ADAMTSL3: variants seen among roughly 807,000 people sequenced by gnomAD.
ADAMTSL3 encodes the protein ADAMTS-like protein 3.
A neutral mutation model predicts 201.7 loss-of-function variants in ADAMTSL3; 128 were observed. The observed-to-expected ratio is 0.63, with a 90% CI of 0.55 to 0.73. The LOEUF is 0.73. ADAMTSL3 is among the 30% of genes least tolerant of loss of function. The probability of loss-of-function intolerance (pLI) is 0.00; values close to 1 mark genes in which losing one functional copy is unlikely to be tolerated. For missense variants in ADAMTSL3, 1,990 were observed against 2,119.6 expected (o/e 0.94, Z 1.20); for synonymous variants, 738 against 748.4 (o/e 0.99, Z 0.23).
chr15:83,889,963 A>T (rs2065471466), intron 10 of ADAMTSL3, 146 bp from the exon 11 acceptor site: 3 of 756,874 alleles, frequency 4.0e-6, no homozygotes, highest in Non-Finnish European at 6.2e-6. Flanking sequence ...AAAAGCTCCC[A>T]TGTGGTTCTG....
At chr15:83,871,820 G>A (rs781697675) in intron 9 of ADAMTSL3, among the ~76,000 whole-genome samples, 3 of 152,112 alleles carry the variant, frequency 2.0e-5, no homozygotes, top group Non-Finnish European at 2.9e-5. Flanking sequence ...TGGTTTTGCC[G>A]TATCCTGTTT....
intron 3 of ADAMTSL3, among the ~76,000 whole-genome samples, chr15:83,755,006 A>G (rs2062696734): frequency 6.6e-6 from 1 of 152,194 alleles, no homozygotes; most frequent in Non-Finnish European, 1.5e-5. Flanking sequence ...AATATCGTAT[A>G]TGTTCCACAC....
intron 2 of ADAMTSL3, among the ~76,000 whole-genome samples, chr15:83,680,203 C>T (rs2061458619): frequency 6.6e-6 from 1 of 152,072 alleles, no homozygotes; most frequent in South Asian, 2.1e-4. Context: ...GCATTGTTCT[C>T]TAGCACACAG....
intron 5 of ADAMTSL3, among the ~76,000 whole-genome samples, chr15:83,816,009 G>C (rs1438697464): frequency 6.6e-6 from 1 of 152,198 alleles, no homozygotes; most frequent in African/African-American, 2.4e-5. Flanking sequence ...ATTAGCTCAG[G>C]ACAAAGGGGA....
In ADAMTSL3 at chr15:83,858,748, C is replaced by T. The variant is rs370791528; in HGVS notation, c.728-18C>T. ...TAGTGTACTGGTTTTATTGCAGTTG[C>T]GTTCTGTTCTTTCCCAGGAGAAGAA... is the stretch of plus-strand genomic sequence containing the variant. On this transcript the variant is annotated intron_variant, in intron 7 of 29. Transcript: ENST00000286744. 2.0e-5 allele frequency: 32 copies of T among 1,603,524 alleles called. No homozygotes were observed. In the African/African-American group the frequency reaches 2.3e-4, roughly 11 times the overall value.
rs149536949 is a variant in ADAMTSL3, at chr15:83,973,250, A to C, written c.2644+2613A>C. ...AGCTTCTTGTTCTGCCTTACCCTCA[A>C]CTCACTCCTGCTTATTTAGTTAGTG... On this transcript the variant is annotated intron_variant, in intron 20 of 29. Coordinates refer to ENST00000286744, the MANE Select transcript of ADAMTSL3 (RefSeq NM_207517.3). Among the ~76,000 whole-genome samples the C allele has an allele frequency of 1.8e-4, 28 of 151,528 alleles. 1 individual carries two copies. The East Asian group carries it at 3.5e-3, about 19-fold the overall frequency.
chr15:83,823,413 C>T (rs2063930178), intron 6 of ADAMTSL3, among the ~76,000 whole-genome samples: 1 of 152,126 alleles, frequency 6.6e-6, no homozygotes. Flanking sequence ...CTTCATCCTG[C>T]TTTTCAAACT....
chr15:83,890,469 G>GT (rs1041132879), intron 11 of ADAMTSL3, among the ~76,000 whole-genome samples: 27 of 152,164 alleles, frequency 1.8e-4, no homozygotes, highest in Non-Finnish European at 3.2e-4. Context: ...GTGTTCCTAA[G>GT]TTTTTTTATA....
intron 3 of ADAMTSL3, among the ~76,000 whole-genome samples, chr15:83,742,205 A>T (rs1225631041): frequency 6.6e-6 from 1 of 152,148 alleles, no homozygotes; most frequent in Non-Finnish European, 1.5e-5. Flanking sequence ...CCACTTGTAA[A>T]TTGAAATAAA....
At chr15:83,992,570 C>G (rs1469119247) in intron 23 of ADAMTSL3, among the ~76,000 whole-genome samples, 2 of 152,182 alleles carry the variant, frequency 1.3e-5, no homozygotes, top group Non-Finnish European at 2.9e-5. Context: ...GCAGAGGATT[C>G]TGAAAAATAG....
intron 17 of ADAMTSL3, among the ~76,000 whole-genome samples, chr15:83,925,904 G>A (rs548243180): frequency 2.6e-5 from 4 of 152,278 alleles, no homozygotes; most frequent in South Asian, 2.1e-4. Context: ...CAGGAGCAAG[G>A]CACAGGGGAA....
chr15:83,672,108 A>T (rs910431412), intron 2 of ADAMTSL3, among the ~76,000 whole-genome samples: 6 of 152,194 alleles, frequency 3.9e-5, no homozygotes, highest in Non-Finnish European at 8.8e-5. Context: ...AATCCTGGGC[A>T]TTTTAAACCC....
At chr15:83,714,946 T>C (rs2061996204) in intron 3 of ADAMTSL3, among the ~76,000 whole-genome samples, 1 of 137,266 alleles carries the variant, frequency 7.3e-6, no homozygotes, top group South Asian at 2.6e-4. Flanking sequence ...TCCATCCTTC[T>C]TTCCTTTCTC....
chr15:83,886,927 T>C (rs2065404963), intron 10 of ADAMTSL3, among the ~76,000 whole-genome samples: 1 of 152,166 alleles, frequency 6.6e-6, no homozygotes, highest in South Asian at 2.1e-4. Context: ...GACTGAATAG[T>C]GCCACAGAAA....
intron 8 of ADAMTSL3, among the ~76,000 whole-genome samples, chr15:83,861,177 G>A (rs1223464467): frequency 6.6e-6 from 1 of 151,936 alleles, no homozygotes; most frequent in East Asian, 1.9e-4. Flanking sequence ...CCACCTAGGG[G>A]TGCCTGCCTG....
chr15:83,727,910 G>A (rs1422101980), intron 3 of ADAMTSL3, among the ~76,000 whole-genome samples: 1 of 151,912 alleles, frequency 6.6e-6, no homozygotes, highest in Non-Finnish European at 1.5e-5. Context: ...TAAGTCCAGT[G>A]TTTCTTTGCT....
intron 16 of ADAMTSL3, among the ~76,000 whole-genome samples, chr15:83,916,587 A>G (rs2066037066): frequency 6.6e-6 from 1 of 152,170 alleles, no homozygotes; most frequent in South Asian, 2.1e-4. Context: ...AAAGTTCCTT[A>G]TAATAAATAA....
intron 5 of ADAMTSL3, among the ~76,000 whole-genome samples, chr15:83,818,892 G>T (rs762013885): frequency 2.8e-4 from 42 of 152,110 alleles, no homozygotes; most frequent in Admixed American, 1.3e-4. Context: ...GTTTTCTGCC[G>T]TCCATCCTAC....
chr15:83,886,468 A>G (rs913587711), intron 10 of ADAMTSL3, among the ~76,000 whole-genome samples: 4 of 152,206 alleles, frequency 2.6e-5, no homozygotes, highest in Admixed American at 6.5e-5. Flanking sequence ...AGCATACAGT[A>G]GTATCTTGTT....
Sources: gnomAD v4.1 joint callset for allele counts (sites outside exome capture counted in the v4.1 genomes callset) on GRCh38, gnomAD v4.1.1 for gene constraint, MANE v1.5 for transcripts, NCBI Gene and HGNC (gene_info 2026-07-23, HGNC 2026-07-21) for gene names.